The following DLGAP2 variants were observed in gnomAD, a reference collection of about 807,000 sequenced individuals.
The protein encoded by DLGAP2 is DLG associated protein 2, also known as disks large-associated protein 2.
A neutral mutation model predicts 100.3 loss-of-function variants in DLGAP2; 26 were observed. The ratio of observed to expected loss-of-function variants is 0.26; its 90% CI spans 0.19 to 0.36. DLGAP2 has a LOEUF of 0.36. DLGAP2 is among the 10% of genes least tolerant of loss of function. The pLI is 1.00. For synonymous variants in DLGAP2, 886 were observed against 630.1 expected, an observed-to-expected ratio of 1.41 and a Z score of -6.08; for missense variants, 1,858 against 1,453.2, an observed-to-expected ratio of 1.28 and a Z score of -4.53.
chr8:1,437,841 C>T (rs1004758178), intron 3 of DLGAP2, among the ~76,000 whole-genome samples: 6 of 126,704 alleles, frequency 4.7e-5, no homozygotes, highest in East Asian at 2.3e-4. Flanking sequence ...AAAAAATTAG[C>T]CGGGCGTGAT....
chr8:1,314,822 G>A (rs1463853048), intron 3 of DLGAP2, among the ~76,000 whole-genome samples: 1 of 152,220 alleles, frequency 6.6e-6, no homozygotes, highest in East Asian at 1.9e-4. Context: ...GATACACACA[G>A]GATTGAACCT....
Position 1,595,572 on chromosome 8 carries a change from C to T in DLGAP2, c.1442+29678C>T, listed in dbSNP as rs1481306185. On this transcript the variant is annotated intron_variant, in intron 6 of 14. Transcript: ENST00000637795. ...GTCCCAGCTACTCGGGAGGCTGAGG[C>T]AGGAGAATGGCGTGAACCCGGGAAG... is the stretch of plus-strand genomic sequence containing the variant. Among the ~76,000 whole-genome samples the T allele has an allele frequency of 4.7e-5, 7 of 148,564 alleles. No individual in the cohort carries two copies. The Admixed American group carries it at 4.8e-4, about 10-fold the overall frequency.
intron 2 of DLGAP2, among the ~76,000 whole-genome samples, chr8:917,451 T>C (rs779361276): frequency 3.9e-5 from 6 of 152,186 alleles, no homozygotes; most frequent in Non-Finnish European, 5.9e-5. Context: ...ATCCCCAGGC[T>C]GCTCTCGAAC....
chr8:1,565,152 G>A (rs1194642158), intron 5 of DLGAP2, among the ~76,000 whole-genome samples: 1 of 152,248 alleles, frequency 6.6e-6, no homozygotes, highest in Non-Finnish European at 1.5e-5. Flanking sequence ...GGTGGAATGT[G>A]ATGTGGCTGG....
At position 1,547,158 on chromosome 8, in the gene DLGAP2, G is replaced by A. The variant is rs925927565; in HGVS notation, c.173-1468G>A. ...TAAGGCTCAGCAGACTCACAGGGAC[G>A]TGCGGACCGTGGGGCAGAGGGAGGC... On this transcript the variant is annotated intron_variant, in intron 4 of 14. Coordinates refer to ENST00000637795, the MANE Select transcript of DLGAP2 (RefSeq NM_001346810.2). Among the ~76,000 whole-genome samples the A allele has an allele frequency of 2.0e-4, 30 of 152,276 alleles. No individual in the cohort carries two copies. The East Asian group carries it at 3.5e-3, about 18-fold the overall frequency.
intron 2 of DLGAP2, among the ~76,000 whole-genome samples, chr8:1,135,372 AGTGCATCTC>A (rs1796383638): frequency 6.6e-6 from 1 of 152,172 alleles, no homozygotes; most frequent in African/African-American, 2.4e-5. Flanking sequence ...CGGCTGTCTG[AGTGCATCTC>A]GTCTTAGGGG....
intron 3 of DLGAP2, among the ~76,000 whole-genome samples, chr8:1,314,879 C>T (rs538931736): frequency 6.6e-6 from 1 of 152,352 alleles, no homozygotes; most frequent in African/African-American, 2.4e-5. Flanking sequence ...AAATCCTAAA[C>T]CTTTTTGAAG....
At chr8:876,974 A>G (rs891536599) in intron 1 of DLGAP2, among the ~76,000 whole-genome samples, 2 of 146,352 alleles carry the variant, frequency 1.4e-5, no homozygotes, top group African/African-American at 5.0e-5. Flanking sequence ...GAATTTCCAT[A>G]TGGTTATTTC....
chr8:1,630,457 C>T (rs531090942), intron 7 of DLGAP2, among the ~76,000 whole-genome samples: 3 of 152,262 alleles, frequency 2.0e-5, no homozygotes, highest in Non-Finnish European at 4.4e-5. Flanking sequence ...AATCCCAGCA[C>T]TTTGGGAGGC....
At chr8:1,131,783 T>C (rs1234031988) in intron 2 of DLGAP2, among the ~76,000 whole-genome samples, 1 of 152,244 alleles carries the variant, frequency 6.6e-6, no homozygotes. Context: ...TGAAGGGGTT[T>C]TATCCAGAAT....
At chr8:1,434,247 C>T (rs1388769909) in intron 3 of DLGAP2, among the ~76,000 whole-genome samples, 1 of 152,104 alleles carries the variant, frequency 6.6e-6, no homozygotes, top group Non-Finnish European at 1.5e-5. Context: ...GAGGAAATCT[C>T]GTTCCGTTTT....
intron 3 of DLGAP2, among the ~76,000 whole-genome samples, chr8:1,317,938 A>G (rs1361629718): frequency 3.8e-5 from 3 of 78,600 alleles, no homozygotes; most frequent in Non-Finnish European, 7.2e-5. Flanking sequence ...CAGCGTTTAA[A>G]AATAGAGCGT....
intron 1 of DLGAP2, among the ~76,000 whole-genome samples, chr8:742,720 C>A (rs1449307780): frequency 6.6e-6 from 1 of 151,856 alleles, no homozygotes; most frequent in Non-Finnish European, 1.5e-5. Flanking sequence ...GTTGCCCAGG[C>A]TGGCCTTAGA....
intron 2 of DLGAP2, among the ~76,000 whole-genome samples, chr8:1,198,689 G>C (rs1489081110): frequency 1.3e-5 from 2 of 152,220 alleles, no homozygotes. Context: ...CCATGGGTCA[G>C]GCAGGCCCCT....
At chr8:768,108 A>G (rs1821260532) in intron 1 of DLGAP2, among the ~76,000 whole-genome samples, 1 of 152,150 alleles carries the variant, frequency 6.6e-6, no homozygotes, top group Non-Finnish European at 1.5e-5. Flanking sequence ...ATCAGAGGAC[A>G]GGGAGATACA....
At chr8:845,679 T>G (rs1234734830) in intron 1 of DLGAP2, among the ~76,000 whole-genome samples, 1 of 152,252 alleles carries the variant, frequency 6.6e-6, no homozygotes, top group African/African-American at 2.4e-5. Flanking sequence ...TGATATCCAG[T>G]TTATTTCTTT....
intron 2 of DLGAP2, among the ~76,000 whole-genome samples, chr8:1,215,427 C>G (rs925136816): frequency 1.3e-4 from 19 of 151,274 alleles, no homozygotes; most frequent in African/African-American, 4.6e-4. Flanking sequence ...CTGGAGACGT[C>G]CAGGTACCTG....
chr8:973,426 T>A (rs563765834), intron 2 of DLGAP2, among the ~76,000 whole-genome samples: 3 of 151,242 alleles, frequency 2.0e-5, no homozygotes, highest in African/African-American at 7.3e-5. Flanking sequence ...GCTCCTCACC[T>A]CCCAGACGGG....
intron 6 of DLGAP2, among the ~76,000 whole-genome samples, chr8:1,587,291 C>G (rs1339573151): frequency 6.6e-6 from 1 of 152,134 alleles, no homozygotes; most frequent in Non-Finnish European, 1.5e-5. Context: ...GGAAAAATAA[C>G]TTTGCCTATA....
Sources: gnomAD v4.1 joint callset for allele counts (sites outside exome capture counted in the v4.1 genomes callset) on GRCh38, gnomAD v4.1.1 for gene constraint, MANE v1.5 for transcripts, NCBI Gene and HGNC (gene_info 2026-07-23, HGNC 2026-07-21) for gene names.